The following KLHL22 variants were observed in gnomAD, a reference collection of about 807,000 sequenced individuals.
The protein encoded by KLHL22 is kelch like family member 22.
In KLHL22, 18 loss-of-function variants were observed where a neutral mutation model predicts 60.7. That is an observed-to-expected ratio of 0.30 (90% CI 0.20 to 0.44). The LOEUF (loss-of-function observed/expected upper bound fraction) is 0.44. Among genes scored for constraint, KLHL22 ranks in the 20% least tolerant of loss-of-function variants. The probability of loss-of-function intolerance (pLI) is 1.00; values close to 1 mark genes in which losing one functional copy is unlikely to be tolerated. For missense variants in KLHL22, 596 were observed against 852.3 expected (o/e 0.70, Z 3.74); for synonymous variants, 355 against 354.5 (o/e 1.00, Z -0.01).
Position 20,446,552 on chromosome 22 carries a change from G to A in KLHL22, c.1430C>T (p.Ala477Val), listed in dbSNP as rs1217097657. 6.2e-7 allele frequency: 1 copy of A among 1,613,772 alleles called. No homozygotes were observed. Among genetic ancestry groups the A allele is most frequent in the Admixed American group, 1.7e-5 (1 of 60,032 alleles). Residue 477 changes from alanine (A) to valine (V), a missense_variant, in exon 6 of 7, where the codon GCT becomes GTT. Ala to Val is a moderately conservative substitution (Grantham distance 64, BLOSUM62 0). Coordinates refer to ENST00000328879, the MANE Select transcript of KLHL22 (RefSeq NM_032775.4). ...DPGSNTWHTL[A>V]DGPVRRAWHG... ...CCAGGCGCGCCGCACAGGCCCATCA[G>A]CCAGTGTGTGCCAAGTGTTGCTGCC...
At chr22:20,450,654 G>A in intron 5 of KLHL22, 1 of 1,571,894 alleles carries the variant, frequency 6.4e-7, no homozygotes, top group South Asian at 1.1e-5. Context: ...AAGGAGAGGT[G>A]GAAAAGCTAA....
chr22:20,481,254 C>T (rs562936618), intron 2 of KLHL22: 3 of 152,256 alleles, frequency 2.0e-5, no homozygotes, highest in Non-Finnish European at 2.9e-5. Context: ...CACTACTGCA[C>T]TTAACTAGTC....
chr22:20,484,137 C>A (rs2053549540), intron 2 of KLHL22: 1 of 698,718 alleles, frequency 1.4e-6, no homozygotes, highest in South Asian at 1.4e-5. Context: ...GAGGACAGGA[C>A]TCAGGCTTTG....
intron 2 of KLHL22, chr22:20,488,485 G>GTCGCCGTATCATTAAAAAA: frequency 3.6e-5 from 6 of 168,978 alleles, no homozygotes; most frequent in Non-Finnish European, 6.5e-5. Flanking sequence ...CAACCCAGTG[G>GTCGCCGTATCATTAAAAAA]AAAAGACAGA....
chr22:20,457,568 G>A (rs1319360756), intron 5 of KLHL22, among the ~76,000 whole-genome samples: 3 of 134,040 alleles, frequency 2.2e-5, no homozygotes, highest in Non-Finnish European at 3.3e-5. Flanking sequence ...ACTCACAAGT[G>A]GGGCACAATT....
intron 2 of KLHL22, among the ~76,000 whole-genome samples, chr22:20,484,651 C>T (rs1017497547): frequency 6.6e-6 from 1 of 151,020 alleles, no homozygotes; most frequent in African/African-American, 2.4e-5. Context: ...AGGCTGGTCT[C>T]GAACTCTTGG....
intron 2 of KLHL22, among the ~76,000 whole-genome samples, chr22:20,486,541 G>A (rs886369171): frequency 2.0e-5 from 3 of 151,976 alleles, no homozygotes; most frequent in African/African-American, 4.8e-5. Context: ...CTCTACCCTT[G>A]CCCATATCAA....
At chr22:20,473,152 C>T (rs2146245293) in intron 2 of KLHL22, among the ~76,000 whole-genome samples, 1 of 152,290 alleles carries the variant, frequency 6.6e-6, no homozygotes, top group East Asian at 1.9e-4. Context: ...GAGGAGGAGC[C>T]CCTGGAAGAC....
intron 2 of KLHL22, chr22:20,484,059 A>G: frequency 1.0e-6 from 1 of 973,578 alleles, no homozygotes. Flanking sequence ...GACAGAGCCC[A>G]GGGACCAGTA....
chr22:20,468,991 G>T lies in KLHL22; in HGVS notation c.393+2359C>A, dbSNP rs187038269. Among the ~76,000 whole-genome samples, 425 of 152,276 alleles carry T rather than the reference G, an allele frequency of 2.8e-3. 3 individuals are homozygous for T. The highest frequency in any genetic ancestry group is 8.9e-3 in the African/African-American group (371 of 41,560). Reference sequence around the variant, plus strand: ...ATATGTTAAAAAACTAAGATAGGCTGCTGCCTCTGAGATGACCTCTGAGGC... The same window carrying T: ...ATATGTTAAAAAACTAAGATAGGCTTCTGCCTCTGAGATGACCTCTGAGGC... On this transcript the variant is annotated intron_variant, in intron 3 of 6. Transcript: ENST00000328879.
rs1483867205 is a variant in KLHL22 at position 20,465,940 on chromosome 22, C to G, written c.394-364G>C. ...AAATGATTCTCCTGCCTCAGCCTCC[C>G]GTACAGAATGTTTTTAACCTCTCTA... On this transcript the variant is annotated intron_variant, in intron 3 of 6. Coordinates refer to ENST00000328879, the MANE Select transcript of KLHL22 (RefSeq NM_032775.4). The surrounding 1 kb of genome is among the most constrained non-coding windows in gnomAD (Gnocchi z 4.9). 6.6e-6 allele frequency among the ~76,000 whole-genome samples: 1 copy of G among 152,036 alleles called. No individual in the cohort carries two copies. Among genetic ancestry groups the G allele is most frequent in the Non-Finnish European group, 1.5e-5 (1 of 68,016 alleles).
chr22:20,489,978 C>T (rs1376646979), intron 1 of KLHL22: 1 of 359,158 alleles, frequency 2.8e-6, no homozygotes, highest in East Asian at 7.6e-5. Context: ...AAACCGCAAA[C>T]TGATTTGAAT....
At chr22:20,488,685 A>AGGGGG in intron 2 of KLHL22, 1 of 440,680 alleles carries the variant, frequency 2.3e-6, no homozygotes. Flanking sequence ...ATGGTAAGGG[A>AGGGGG]GGGGAGGAGA....
chr22:20,442,097 C>T lies in KLHL22; in HGVS notation c.1881G>A (p.Glu627=). Residue 627 remains glutamate, a synonymous_variant, in exon 7 of 7, where the codon GAG becomes GAA. Coordinates refer to ENST00000328879, the MANE Select transcript of KLHL22 (RefSeq NM_032775.4). The part of the protein sequence containing the change: ...SEVMSVSDWE[E]FDNSSED ...CCTAGTCCTCACTGGAGTTGTCAAA[C>T]TCCTCCCAGTCAGACACACTCATCA... 6.6e-7 allele frequency: 1 copy of T among 1,507,570 alleles called. No homozygotes were observed. The highest frequency in any genetic ancestry group is 8.9e-7 in the Non-Finnish European group (1 of 1,127,748). The allele number at this position is 1,507,570 out of a possible 1,614,324, so 93.4% of individuals were successfully genotyped here.
chr22:20,481,851 AC>A, intron 2 of KLHL22: 1 of 152,236 alleles, frequency 6.6e-6, no homozygotes, highest in Non-Finnish European at 1.5e-5. Flanking sequence ...TGATCTGCCC[AC>A]CCCAGTCTCC....
At chr22:20,444,194 G>T (rs370171337) in intron 6 of KLHL22, among the ~76,000 whole-genome samples, 1 of 152,090 alleles carries the variant, frequency 6.6e-6, no homozygotes, top group Non-Finnish European at 1.5e-5. Flanking sequence ...AGCCAAGAAG[G>T]CCCTCAACTG....
intron 1 of KLHL22, among the ~76,000 whole-genome samples, chr22:20,490,686 A>G (rs1212463487): frequency 6.6e-6 from 1 of 152,220 alleles, no homozygotes; most frequent in Non-Finnish European, 1.5e-5. Flanking sequence ...TCAGATTATC[A>G]GGCATTAGCT....
At chr22:20,481,194 T>G (rs1396673162) in intron 2 of KLHL22, 1 of 152,232 alleles carries the variant, frequency 6.6e-6, no homozygotes, top group Non-Finnish European at 1.5e-5. Context: ...TTCAGTTGAT[T>G]GTTCATAGTC....
intron 5 of KLHL22, chr22:20,450,199 T>C (rs2052953138): frequency 1.2e-6 from 1 of 805,572 alleles, no homozygotes; most frequent in Non-Finnish European, 2.3e-6. Context: ...TGAACTCCGT[T>C]GGGAAGAGCA....
Sources: gnomAD v4.1 joint callset for allele counts (sites outside exome capture counted in the v4.1 genomes callset) on GRCh38, gnomAD v4.1.1 for gene constraint, Gnocchi (gnomAD v3.1) non-coding constraint, MANE v1.5 for transcripts, NCBI Gene and HGNC (gene_info 2026-07-23, HGNC 2026-07-21) for gene names.